The following CNTNAP2 variants were observed in gnomAD, a reference collection of about 807,000 sequenced individuals.
CNTNAP2 encodes the protein contactin associated protein 2.
In CNTNAP2, 98 loss-of-function variants were observed where a neutral mutation model predicts 155.2. The observed-to-expected ratio is 0.63, with a 90% CI of 0.54 to 0.75. CNTNAP2 has a LOEUF of 0.75. Ranked by LOEUF, CNTNAP2 falls within the 30% of genes least tolerant of loss-of-function variation. CNTNAP2 has a pLI of 0.00. For missense variants in CNTNAP2, 1,727 were observed against 1,688.1 expected, an observed-to-expected ratio of 1.02 and a Z score of -0.40; for synonymous variants, 651 against 631.2, an observed-to-expected ratio of 1.03 and a Z score of -0.47.
intron 2 of CNTNAP2, among the ~76,000 whole-genome samples, chr7:146,820,181 TTA>T (rs1455715438): frequency 6.6e-6 from 1 of 152,140 alleles, no homozygotes; most frequent in Non-Finnish European, 1.5e-5. Flanking sequence ...CTGGTGAGTT[TTA>T]TGTTTTTTCA....
chr7:146,677,601 T>G (rs1800424142), intron 1 of CNTNAP2, among the ~76,000 whole-genome samples: 1 of 152,182 alleles, frequency 6.6e-6, no homozygotes, highest in African/African-American at 2.4e-5. Flanking sequence ...TCCCTCTCTC[T>G]GTCCTCTAGC....
At chr7:146,885,169 A>C (rs1795630995) in intron 3 of CNTNAP2, among the ~76,000 whole-genome samples, 1 of 152,180 alleles carries the variant, frequency 6.6e-6, no homozygotes, top group African/African-American at 2.4e-5. Flanking sequence ...AAACAATGTA[A>C]ATAAAATGAA....
chr7:147,180,250 C>T (rs1802427103), intron 8 of CNTNAP2, among the ~76,000 whole-genome samples: 2 of 152,146 alleles, frequency 1.3e-5, no homozygotes, highest in Admixed American at 6.6e-5. Context: ...TCTATAAATA[C>T]AAAGCCCTAG....
At chr7:147,764,316 C>T (rs1797352466) in intron 13 of CNTNAP2, among the ~76,000 whole-genome samples, 1 of 152,124 alleles carries the variant, frequency 6.6e-6, no homozygotes, top group African/African-American at 2.4e-5. Context: ...CTAAAACTCT[C>T]CTGCTCAGCT....
At chr7:146,994,432 A>G (rs1453910084) in intron 3 of CNTNAP2, among the ~76,000 whole-genome samples, 4 of 152,184 alleles carry the variant, frequency 2.6e-5, no homozygotes, top group Non-Finnish European at 5.9e-5. Context: ...TCTTAAGAAT[A>G]ATTTTATGAT....
intron 14 of CNTNAP2, among the ~76,000 whole-genome samples, chr7:147,908,584 A>G (rs1309209593): frequency 6.6e-6 from 1 of 152,218 alleles, no homozygotes; most frequent in Non-Finnish European, 1.5e-5. Context: ...AACACTGTCC[A>G]GGCAACCTGG....
chr7:147,204,575 T>TA (rs972091732), intron 8 of CNTNAP2, among the ~76,000 whole-genome samples: 1 of 152,048 alleles, frequency 6.6e-6, no homozygotes, highest in African/African-American at 2.4e-5. Flanking sequence ...AATCAATTTT[T>TA]AAAAAAATAT....
rs1797313876 is a variant in CNTNAP2, at chr7:147,422,585, T to C, written c.1670+26805T>C. 2.0e-5 allele frequency among the ~76,000 whole-genome samples: 3 copies of C among 152,144 alleles called. No individual in the cohort carries two copies. In the South Asian group the frequency reaches 6.2e-4, roughly 31 times the overall value. ...TTAGATCCTGACAGATGCAATGTCT[T>C]CAATTAAGTTCTTTTACACACTGAA... On this transcript the variant is annotated intron_variant, in intron 10 of 23. Coordinates refer to ENST00000361727, the MANE Select transcript of CNTNAP2 (RefSeq NM_014141.6).
chr7:148,158,395 G>T (rs1235339180), intron 17 of CNTNAP2, among the ~76,000 whole-genome samples: 1 of 151,838 alleles, frequency 6.6e-6, no homozygotes, highest in Non-Finnish European at 1.5e-5. Context: ...GCTAATTTTT[G>T]TATTTTTAGT....
At chr7:147,458,110 T>A (rs1797954223) in intron 10 of CNTNAP2, among the ~76,000 whole-genome samples, 1 of 143,246 alleles carries the variant, frequency 7.0e-6, no homozygotes, top group South Asian at 2.4e-4. Context: ...ATTGATATAT[T>A]GTCTCTATTG....
chr7:147,083,413 C>T (rs1051668025), intron 4 of CNTNAP2, among the ~76,000 whole-genome samples: 2 of 151,626 alleles, frequency 1.3e-5, no homozygotes, highest in Non-Finnish European at 2.9e-5. Flanking sequence ...TAATGTCGCT[C>T]ACCTCTACTA....
intron 13 of CNTNAP2, among the ~76,000 whole-genome samples, chr7:147,754,593 T>C (rs563499664): frequency 1.3e-5 from 2 of 152,356 alleles, no homozygotes; most frequent in South Asian, 2.1e-4. Context: ...TTAAAAATAT[T>C]GTTTAGACAT....
At chr7:148,069,432 T>C (rs890315898) in intron 15 of CNTNAP2, among the ~76,000 whole-genome samples, 3 of 151,906 alleles carry the variant, frequency 2.0e-5, no homozygotes, top group African/African-American at 7.3e-5. Flanking sequence ...ATAGACAACT[T>C]CTGGAGAAAT....
chr7:147,762,485 C>T (rs1042949973), intron 13 of CNTNAP2, among the ~76,000 whole-genome samples: 11 of 151,728 alleles, frequency 7.2e-5, no homozygotes, highest in Non-Finnish European at 1.5e-4. Flanking sequence ...ATTAGATGCA[C>T]TCATATCTAG....
At chr7:146,361,977 C>A (rs537129623) in intron 1 of CNTNAP2, among the ~76,000 whole-genome samples, 1 of 152,222 alleles carries the variant, frequency 6.6e-6, no homozygotes, top group Admixed American at 6.5e-5. Context: ...AGTATTCATT[C>A]CTCTCTTCAT....
rs1483517317 is a variant in CNTNAP2, at chr7:146,947,555, G to GTATATATA, written c.403-96351_403-96350insATATATAT. On this transcript the variant is annotated intron_variant, in intron 3 of 23. Coordinates refer to ENST00000361727, the MANE Select transcript of CNTNAP2 (RefSeq NM_014141.6). ...TGTGTGTGTGTGTATGTGTGTGTGT[G>GTATATATA]TGTATATATATATATATATACATAT... 1.1e-3 allele frequency among the ~76,000 whole-genome samples: 44 copies of GTATATATA among 39,420 alleles called. 1 individual carries two copies. The highest frequency in any genetic ancestry group is 3.2e-3 in the South Asian group (3 of 940). The allele number at this position is 39,420 out of a possible 152,430, so 25.9% of individuals were successfully genotyped here. A position where few individuals can be genotyped will look rare whatever the true frequency, so the allele number is the denominator to read the frequency against.
intron 12 of CNTNAP2, among the ~76,000 whole-genome samples, chr7:147,610,516 A>G (rs1307068655): frequency 1.3e-5 from 2 of 152,102 alleles, no homozygotes; most frequent in African/African-American, 4.8e-5. Flanking sequence ...ACAGTGGCAC[A>G]TTTTGGGGTG....
intron 20 of CNTNAP2, among the ~76,000 whole-genome samples, chr7:148,251,920 G>A (rs991487877): frequency 1.3e-5 from 2 of 152,114 alleles, no homozygotes; most frequent in South Asian, 2.1e-4. Context: ...TTCCATATAC[G>A]TACCACAGCC....
intron 4 of CNTNAP2, among the ~76,000 whole-genome samples, chr7:147,052,446 A>G (rs1173995992): frequency 6.6e-6 from 1 of 152,092 alleles, no homozygotes; most frequent in African/African-American, 2.4e-5. Context: ...TTGAGGATGC[A>G]TAGATTCTTT....
Sources: gnomAD v4.1 joint callset for allele counts (sites outside exome capture counted in the v4.1 genomes callset) on GRCh38, gnomAD v4.1.1 for gene constraint, MANE v1.5 for transcripts, NCBI Gene and HGNC (gene_info 2026-07-23, HGNC 2026-07-21) for gene names.